RASSF6: variants seen among roughly 807,000 people sequenced by gnomAD.
The protein encoded by RASSF6 is Ras association domain family member 6, also known as ras association domain-containing protein 6.
A neutral mutation model predicts 44.0 loss-of-function variants in RASSF6; 52 were observed. The observed-to-expected ratio is 1.18, with a 90% CI of 0.95 to 1.49. The LOEUF is 1.49. Among genes scored for constraint, RASSF6 ranks in the 40% most tolerant of loss-of-function variants. RASSF6 has a pLI of 0.00. For synonymous variants in RASSF6, 162 were observed against 124.6 expected (o/e 1.30, Z -2.00); for missense variants, 464 against 393.3 (o/e 1.18, Z -1.52).
At chr4:73,578,031 A>T (rs185221511) in intron 8 of RASSF6, among the ~76,000 whole-genome samples, 151,071 of 152,174 alleles carry the variant, frequency 0.99, 75,002 homozygotes, top group Middle Eastern at 1. Context: ...CTCTCTTCTG[A>T]CCTAGTTATT....
At chr4:73,605,200 A>G (rs988871256) in intron 2 of RASSF6, among the ~76,000 whole-genome samples, 1 of 152,132 alleles carries the variant, frequency 6.6e-6, no homozygotes, top group Non-Finnish European at 1.5e-5. Context: ...TATAAATTCT[A>G]TATAAGAAAC....
At chr4:73,599,148 A>G (rs534222464) in intron 2 of RASSF6, among the ~76,000 whole-genome samples, 6 of 152,298 alleles carry the variant, frequency 3.9e-5, no homozygotes, top group African/African-American at 1.4e-4. Context: ...CCAACTCTCC[A>G]AATCTGTGTT....
chr4:73,612,748 G>C (rs1726114410), intron 1 of RASSF6, among the ~76,000 whole-genome samples: 1 of 152,068 alleles, frequency 6.6e-6, no homozygotes, highest in Non-Finnish European at 1.5e-5. Context: ...CTTGGCTGGA[G>C]TCTCATTTTA....
intron 2 of RASSF6, among the ~76,000 whole-genome samples, chr4:73,606,757 A>T (rs545465812): frequency 3.7e-4 from 56 of 152,200 alleles, no homozygotes; most frequent in African/African-American, 1.3e-3. Flanking sequence ...GTATGAACAG[A>T]TAGGGACTTC....
intron 5 of RASSF6, among the ~76,000 whole-genome samples, chr4:73,586,706 T>A (rs1293471340): frequency 1.3e-5 from 2 of 151,990 alleles, no homozygotes; most frequent in Non-Finnish European, 2.9e-5. Context: ...ACAAATATAT[T>A]TTTATGATGT....
chr4:73,601,350 G>A (rs1364059170), intron 2 of RASSF6, among the ~76,000 whole-genome samples: 2 of 152,196 alleles, frequency 1.3e-5, no homozygotes, highest in Non-Finnish European at 2.9e-5. Flanking sequence ...CTGCAGAGAT[G>A]AGTAGTTGTA....
Position 73,593,391 on chromosome 4 carries a change from C to A in RASSF6, c.287+60G>T, listed in dbSNP as rs374486444. On this transcript the variant is annotated intron_variant, in intron 4 of 10. Coordinates refer to ENST00000307439, the MANE Select transcript of RASSF6 (RefSeq NM_177532.5). ...AAGTTTCCCTCCTTAAGAGTGCACG[C>A]AATAAAACTAGATATGAAGATCATC... 6.3e-5 allele frequency: 94 copies of A among 1,482,360 alleles called. 1 individual carries two copies. The African/African-American group carries it at 1.2e-3, about 19-fold the overall frequency. 91.8% of individuals were successfully genotyped at this position (1,482,360 alleles called of 1,614,324 possible).
chr4:73,616,550 T>A (rs1194791869), intron 1 of RASSF6, among the ~76,000 whole-genome samples: 2 of 152,182 alleles, frequency 1.3e-5, no homozygotes, highest in African/African-American at 4.8e-5. Context: ...TATATTATAA[T>A]ATTAATGGTA....
At chr4:73,613,068 T>C (rs768322958) in intron 1 of RASSF6, among the ~76,000 whole-genome samples, 1 of 152,194 alleles carries the variant, frequency 6.6e-6, no homozygotes, top group African/African-American at 2.4e-5. Flanking sequence ...CCCATGTCCT[T>C]TGAATCCACA....
rs539425114 is a variant in RASSF6, at chr4:73,593,962, G to GA, written c.145-370dup. ...AAAAATTATGCTGAACTAGAAATTA[G>GA]AAAAAAACATCTATTTAAAGATTTA... On this transcript the variant is annotated intron_variant, in intron 3 of 10. Coordinates refer to ENST00000307439, the MANE Select transcript of RASSF6 (RefSeq NM_177532.5). Among the ~76,000 whole-genome samples, 424 of 152,074 alleles carry GA rather than the reference G, an allele frequency of 2.8e-3. 2 individuals carry two copies. Among genetic ancestry groups the GA allele is most frequent in the African/African-American group, 9.9e-3 (413 of 41,518 alleles).
At chr4:73,591,126 A>C (rs62312137) in intron 4 of RASSF6, among the ~76,000 whole-genome samples, 88,107 of 151,966 alleles carry the variant, frequency 0.58, 26,242 homozygotes, top group East Asian at 0.67. Flanking sequence ...GTTAAATAAG[A>C]GAATTTTTTA....
At chr4:73,580,976 A>C (rs1047538348) in intron 8 of RASSF6, among the ~76,000 whole-genome samples, 15 of 151,430 alleles carry the variant, frequency 9.9e-5, no homozygotes, top group Middle Eastern at 3.4e-3. Flanking sequence ...GGTAATGCCT[A>C]GGTTTTCTTC....
At chr4:73,592,628 T>C (rs1400410743) in intron 4 of RASSF6, among the ~76,000 whole-genome samples, 1 of 152,178 alleles carries the variant, frequency 6.6e-6, no homozygotes, top group Non-Finnish European at 1.5e-5. Flanking sequence ...CAAGGGACTG[T>C]TTTGTGCATT....
intron 1 of RASSF6, among the ~76,000 whole-genome samples, chr4:73,616,539 G>T (rs1044233522): frequency 6.6e-6 from 1 of 152,048 alleles, no homozygotes; most frequent in Non-Finnish European, 1.5e-5. Flanking sequence ...ATACAGAGAG[G>T]TATATTATAA....
intron 8 of RASSF6, among the ~76,000 whole-genome samples, chr4:73,578,982 T>G (rs1420420864): frequency 1.3e-5 from 2 of 152,164 alleles, no homozygotes; most frequent in Non-Finnish European, 2.9e-5. Flanking sequence ...TGGTTTTGTA[T>G]TTATCACTCC....
At chr4:73,595,536 C>T (rs1478762528) in intron 3 of RASSF6, among the ~76,000 whole-genome samples, 1 of 152,056 alleles carries the variant, frequency 6.6e-6, no homozygotes, top group Non-Finnish European at 1.5e-5. Context: ...CACTGATGTA[C>T]AGAATTGGAA....
intron 2 of RASSF6, among the ~76,000 whole-genome samples, chr4:73,601,804 A>G (rs1433873654): frequency 6.6e-6 from 1 of 152,236 alleles, no homozygotes; most frequent in Non-Finnish European, 1.5e-5. Context: ...TTCTAATTTA[A>G]CTTGGCATTA....
intron 5 of RASSF6, among the ~76,000 whole-genome samples, chr4:73,586,874 T>C (rs1724135613): frequency 6.6e-6 from 1 of 150,676 alleles, no homozygotes; most frequent in Non-Finnish European, 1.5e-5. Flanking sequence ...TCTGGGTTCC[T>C]GTGGAATAGC....
At chr4:73,589,515 C>T (rs1477237398) in intron 4 of RASSF6, among the ~76,000 whole-genome samples, 7 of 151,800 alleles carry the variant, frequency 4.6e-5, no homozygotes, top group Non-Finnish European at 8.8e-5. Context: ...CCCTCGCAGA[C>T]GTGACAGCTT....
Sources: gnomAD v4.1 joint callset for allele counts (sites outside exome capture counted in the v4.1 genomes callset) on GRCh38, gnomAD v4.1.1 for gene constraint, MANE v1.5 for transcripts, NCBI Gene and HGNC (gene_info 2026-07-23, HGNC 2026-07-21) for gene names.